CD276: variants seen among roughly 807,000 people sequenced by gnomAD.
The protein encoded by CD276 is CD276 antigen.
CD276 carries 34 observed loss-of-function variants against 50.0 expected under a neutral mutation model. That is an observed-to-expected ratio of 0.68 (90% CI 0.52 to 0.91). The LOEUF (loss-of-function observed/expected upper bound fraction) is 0.91. CD276 is among the 40% of genes least tolerant of loss of function. The pLI is 0.00. For synonymous variants in CD276, 275 were observed against 313.0 expected (o/e 0.88, Z 1.28); for missense variants, 634 against 717.5 (o/e 0.88, Z 1.33).
Position 73,687,475 on chromosome 15 carries a change from A to G in CD276, c.-55+3015A>G, listed in dbSNP as rs1382582368. ...ACCCCTCTTTCTGGAGCCCGGTAAG[A>G]TGTGCCAAGGGTCTCCTTAGTAAGT... On this transcript the variant is annotated intron_variant, in intron 1 of 9. Coordinates refer to ENST00000318443, the MANE Select transcript of CD276 (RefSeq NM_001024736.2). The surrounding 1 kb of genome is among the most constrained non-coding windows in gnomAD (Gnocchi z 4.0). Among the ~76,000 whole-genome samples the G allele has an allele frequency of 6.6e-6, 1 of 152,080 alleles. No homozygotes were observed. The highest frequency in any genetic ancestry group is 1.5e-5 in the Non-Finnish European group (1 of 68,008).
chr15:73,691,350 G>C (rs1899981906), intron 1 of CD276, among the ~76,000 whole-genome samples: 1 of 152,130 alleles, frequency 6.6e-6, no homozygotes, highest in South Asian at 2.1e-4. Context: ...CTCTGCCTCT[G>C]TTCATTTGTT....
chr15:73,686,340 A>G (rs1567011211), intron 1 of CD276: 4 of 980,606 alleles, frequency 4.1e-6, no homozygotes, highest in African/African-American at 3.5e-5. Flanking sequence ...TCAGGTGAGA[A>G]GGGGTGTTGG....
At position 73,711,123 on chromosome 15, in the gene CD276, CT is replaced by C. The variant is rs758599974; in HGVS notation, c.1547-5del. On this transcript the variant is annotated splice_polypyrimidine_tract_variant and intron_variant, in intron 8 of 9. Coordinates refer to ENST00000318443, the MANE Select transcript of CD276 (RefSeq NM_001024736.2). ...TTCCTCCCTCACCGTGTGCGCCTTC[CT>C]TTTTTTACAGCCCTGCAGCCTCTGA... is the stretch of plus-strand genomic sequence containing the variant. The C allele has an allele frequency of 6.2e-7, 1 of 1,613,878 alleles. No homozygotes were observed.
intron 4 of CD276, 29 bp from the exon 5 acceptor site, chr15:73,703,630 C>A (rs1451578816): frequency 1.3e-6 from 2 of 1,559,390 alleles, no homozygotes; most frequent in Non-Finnish European, 1.7e-6. Flanking sequence ...TTTCTCCTCA[C>A]CACCCTGCCC....
intron 8 of CD276, 73 bp from the exon 9 acceptor site, chr15:73,711,062 C>A: frequency 6.6e-7 from 1 of 1,521,636 alleles, no homozygotes; most frequent in Non-Finnish European, 9.1e-7. Context: ...CTCACTCCTC[C>A]CTCTGCCTGA....
In CD276 at chr15:73,702,900, G is replaced by A; in HGVS notation, c.547G>A (p.Gly183Ser). ...TGAGGTGTTCTGGCAGGATGGGCAG[G>A]GTGTGCCCCTGACTGGCAACGTGAC... Reference protein sequence around the residue: ...EAEVFWQDGQGVPLTGNVTTS... With the variant: ...EAEVFWQDGQSVPLTGNVTTS... The change falls in exon 4 of 10, where the codon GGT becomes AGT. Residue 183 changes from glycine (G) to serine (S), a missense_variant. Physicochemically the swap from Gly to Ser is moderately conservative, Grantham distance 56. Transcript: ENST00000318443. The A allele has an allele frequency of 6.2e-7, 1 of 1,614,058 alleles. No individual in the cohort carries two copies. The highest frequency in any genetic ancestry group is 8.5e-7 in the Non-Finnish European group (1 of 1,180,034).
intron 1 of CD276, chr15:73,686,259 A>G (rs2048279555): frequency 6.1e-6 from 6 of 984,022 alleles, no homozygotes; most frequent in Admixed American, 6.1e-5. Context: ...TAAGCTTTCC[A>G]GCTTACTCTA....
In CD276 at chr15:73,713,779, G is replaced by A. The variant is rs745468859; in HGVS notation, c.*823G>A. 1.9e-5 allele frequency: 8 copies of A among 432,372 alleles called. No individual in the cohort carries two copies. The highest frequency in any genetic ancestry group is 1.3e-4 in the South Asian group (8 of 60,632). The allele number at this position is 432,372 out of a possible 1,614,324, so 26.8% of individuals were successfully genotyped here. ...AGGGGTCTGTGATGGGGCCCCTGGG[G>A]GTCAGCTTCTGTCCCTCTGCCTTCT... is the stretch of plus-strand genomic sequence containing the variant. On this transcript the variant is annotated 3_prime_UTR_variant, in exon 10 of 10. Coordinates refer to ENST00000318443, the MANE Select transcript of CD276 (RefSeq NM_001024736.2).
In CD276 at chr15:73,714,153, A is replaced by C. The variant is rs1438348198; in HGVS notation, c.*1197A>C. 7.3e-6 allele frequency: 2 copies of C among 272,506 alleles called. No homozygotes were observed. Among genetic ancestry groups the C allele is most frequent in the Non-Finnish European group, 7.0e-6 (1 of 143,476 alleles). 16.9% of individuals were successfully genotyped at this position (272,506 alleles called of 1,614,324 possible). On this transcript the variant is annotated 3_prime_UTR_variant, in exon 10 of 10. Transcript: ENST00000318443. The stretch of plus-strand genomic sequence containing the variant: ...CGGCTAGAGAATCTGGTGGTGTCCA[A>C]AATGTCTGTCCAGGTGTGGGCAGGT...
chr15:73,703,997 G>A lies in CD276; in HGVS notation c.1072G>A (p.Ala358Thr), dbSNP rs146707793. The A allele has an allele frequency of 8.4e-4, 1,355 of 1,607,450 alleles. No individual in the cohort carries two copies. Among genetic ancestry groups the A allele is most frequent in the Non-Finnish European group, 1.1e-3 (1,245 of 1,177,672 alleles). The change falls in exon 5 of 10, where the codon GCT becomes ACT. Residue 358 changes from alanine to threonine, a missense_variant and splice_region_variant. By Grantham distance (58) the Ala-to-Thr change is moderately conservative (BLOSUM62 0). Coordinates refer to ENST00000318443, the MANE Select transcript of CD276 (RefSeq NM_001024736.2). The stretch of plus-strand genomic sequence containing the variant: ...CGCTGCCGTCAGCCTGCAGGTGGCC[G>A]GTGAGCACCAGGAGGGCGACGCCTT... ...GSAAVSLQVA[A>T]PYSKPSMTLE... is the part of the protein sequence containing the mutation.
In CD276 at chr15:73,704,359, T is replaced by A. The variant is rs764107033; in HGVS notation, c.1256T>A (p.Leu419Ter). The change falls in exon 6 of 10, where the codon TTG becomes TAG. Residue 419 changes from leucine (L) to a stop codon, truncating the protein, a stop_gained. Transcript: ENST00000318443. LOFTEE classifies it high-confidence loss of function. The surrounding 1 kb of genome is among the most constrained non-coding windows in gnomAD (Gnocchi z 4.1). ...TCGCAGATGGCCAACGAGCAGGGCTTGTTTGATGTGCACAGCGTCCTGCGG... is the reference window on the plus strand; with the variant it reads ...TCGCAGATGGCCAACGAGCAGGGCTAGTTTGATGTGCACAGCGTCCTGCGG... ...TTSQMANEQG[L>*]FDVHSVLRVV... The A allele has an allele frequency of 6.2e-7, 1 of 1,614,044 alleles. No homozygotes were observed. The highest frequency in any genetic ancestry group is 8.5e-7 in the Non-Finnish European group (1 of 1,180,034).
chr15:73,685,980 T>A (rs1182223199), intron 1 of CD276, among the ~76,000 whole-genome samples: 1 of 152,176 alleles, frequency 6.6e-6, no homozygotes, highest in Non-Finnish European at 1.5e-5. Context: ...CACTAACACT[T>A]AGGGTAACTG....
chr15:73,710,893 C>G (rs1900872047), intron 8 of CD276, among the ~76,000 whole-genome samples: 2 of 152,150 alleles, frequency 1.3e-5, no homozygotes, highest in African/African-American at 4.8e-5. Flanking sequence ...AGGGTTGTCC[C>G]ATTCTATAGA....
At chr15:73,705,341 C>T (rs1474531576) in intron 6 of CD276, among the ~76,000 whole-genome samples, 3 of 152,174 alleles carry the variant, frequency 2.0e-5, no homozygotes, top group African/African-American at 7.2e-5. Context: ...CTGATCTCAC[C>T]CCAAGTTTCC....
chr15:73,691,488 G>A (rs992454062), intron 1 of CD276, among the ~76,000 whole-genome samples: 4 of 152,214 alleles, frequency 2.6e-5, no homozygotes, highest in African/African-American at 9.6e-5. Flanking sequence ...CTCTGGGGAA[G>A]TCTCTGATTG....
intron 8 of CD276, 35 bp downstream of exon 8, chr15:73,709,724 G>A: frequency 6.2e-7 from 1 of 1,600,274 alleles, no homozygotes. Flanking sequence ...CTCTTGGCTG[G>A]GAGAGGGACA....
rs1901010087 is a variant in CD276, at chr15:73,713,772, C to T, written c.*816C>T. ...GTTCTCCAGGGGTCTGTGATGGGGC[C>T]CCTGGGGGTCAGCTTCTGTCCCTCT... On this transcript the variant is annotated 3_prime_UTR_variant, in exon 10 of 10. Transcript: ENST00000318443. The T allele has an allele frequency of 2.3e-6, 1 of 432,206 alleles. No individual in the cohort carries two copies. The highest frequency in any genetic ancestry group is 4.6e-6 in the Non-Finnish European group (1 of 218,780). The allele number at this position is 432,206 out of a possible 1,614,324, so 26.8% of individuals were successfully genotyped here.
chr15:73,701,848 C>T (rs899271), intron 2 of CD276, among the ~76,000 whole-genome samples: 28,582 of 152,202 alleles, frequency 0.19, 3,922 homozygotes, highest in African/African-American at 0.39. Context: ...TACTTACGCT[C>T]ATGGGGAAAT....
At chr15:73,699,788 G>A (rs898731454) in intron 2 of CD276, 70 bp downstream of exon 2, 8 of 1,499,046 alleles carry the variant, frequency 5.3e-6, no homozygotes, top group East Asian at 2.4e-5. Context: ...GGGTGCCCAC[G>A]CCTGTTAGGG....
Sources: allele counts gnomAD v4.1 joint callset (sites outside exome capture counted in the v4.1 genomes callset), GRCh38; gene constraint gnomAD v4.1.1; non-coding constraint Gnocchi (gnomAD v3.1); transcripts MANE v1.5; gene names NCBI Gene and HGNC (gene_info 2026-07-23, HGNC 2026-07-21).